The following VRK2 variants were observed in gnomAD, a reference collection of about 807,000 sequenced individuals.
The protein encoded by VRK2 is VRK serine/threonine kinase 2.
VRK2 carries 60 observed loss-of-function variants against 57.6 expected under a neutral mutation model. The observed-to-expected ratio is 1.04, with a 90% CI of 0.85 to 1.29. VRK2 has a LOEUF of 1.29. Ranked by LOEUF, VRK2 falls within the 50% of genes most tolerant of loss-of-function variation. VRK2 has a pLI of 0.00. For synonymous variants in VRK2, 231 were observed against 199.2 expected (o/e 1.16, Z -1.35); for missense variants, 705 against 588.1 (o/e 1.20, Z -2.06).
At chr2:58,025,230 C>G (rs1673887900) in intron 1 of VRK2, among the ~76,000 whole-genome samples, 1 of 151,704 alleles carries the variant, frequency 6.6e-6, no homozygotes, top group Non-Finnish European at 1.5e-5. Flanking sequence ...GGCTGATTCA[C>G]TGTAAAATAG....
chr2:57,964,224 A>T (rs1220190093), intron 1 of VRK2, among the ~76,000 whole-genome samples: 4 of 152,226 alleles, frequency 2.6e-5, no homozygotes, highest in Admixed American at 6.5e-5. Context: ...AATAGATTTC[A>T]TATGTTATAT....
At chr2:58,106,516 CT>C (rs1674777147) in intron 7 of VRK2, among the ~76,000 whole-genome samples, 1 of 151,894 alleles carries the variant, frequency 6.6e-6, no homozygotes, top group Non-Finnish European at 1.5e-5. Context: ...AGTCTTGGTC[CT>C]AATGGGGCAG....
intron 11 of VRK2, among the ~76,000 whole-genome samples, chr2:58,143,937 G>C (rs187244454): frequency 5.3e-5 from 8 of 150,978 alleles, no homozygotes; most frequent in Non-Finnish European, 1.2e-4. Flanking sequence ...CATATATATT[G>C]TGTCTGTTTG....
chr2:57,917,830 T>C (rs188577104), intron 1 of VRK2, among the ~76,000 whole-genome samples: 79 of 152,164 alleles, frequency 5.2e-4, no homozygotes, highest in African/African-American at 1.9e-3. Flanking sequence ...AGATCTTTCA[T>C]ATGATAAAGT....
chr2:58,029,544 T>C lies in VRK2; in HGVS notation c.-332-3683T>C, dbSNP rs138272356. Among the ~76,000 whole-genome samples, 176 of 152,304 alleles carry C rather than the reference T, an allele frequency of 1.2e-3. 4 individuals are homozygous for C. The East Asian group carries it at 0.03, about 26-fold the overall frequency. On this transcript the variant is annotated intron_variant, in intron 2 of 15. Coordinates refer to the VRK2 transcript ENST00000417641. ...ATTGACCAAACTCTTGACCGGAAGA[T>C]AGCAGTATGACTAGCATAACTTGTG...
chr2:58,048,661 A>C (rs1470138303), intron 1 of VRK2, 166 bp from the exon 2 acceptor site: 4 of 1,506,526 alleles, frequency 2.7e-6, no homozygotes, highest in Non-Finnish European at 3.6e-6. Flanking sequence ...TGAATTTCTA[A>C]TTTGAATATA....
Position 58,057,711 on chromosome 2 carries a change from C to G in VRK2, c.136+8744C>G, listed in dbSNP as rs537940404. ...TAAATTATTGGGATTTCTTTTAATC[C>G]AAGTCTGTGAAAGGTTTGATTAAGG... On this transcript the variant is annotated intron_variant, in intron 2 of 12. Transcript: ENST00000340157. Among the ~76,000 whole-genome samples the G allele has an allele frequency of 2.0e-5, 3 of 152,032 alleles. No individual in the cohort carries two copies. In the South Asian group the frequency reaches 6.2e-4, roughly 32 times the overall value.
At chr2:58,101,557 A>G (rs1476869364) in intron 7 of VRK2, among the ~76,000 whole-genome samples, 2 of 151,664 alleles carry the variant, frequency 1.3e-5, no homozygotes, top group Non-Finnish European at 3.0e-5. Flanking sequence ...TAATTATTCT[A>G]ATTGTACTTA....
intron 3 of VRK2, among the ~76,000 whole-genome samples, chr2:58,038,392 T>C (rs1222669885): frequency 6.6e-6 from 1 of 152,136 alleles, no homozygotes. Flanking sequence ...AGATATTCCT[T>C]AATAGCAGTG....
In VRK2 at chr2:58,032,505, C is replaced by A. The variant is rs1674147186; in HGVS notation, c.-332-722C>A. Among the ~76,000 whole-genome samples the A allele has an allele frequency of 1.3e-5, 2 of 152,040 alleles. 1 individual carries two copies. The highest frequency in any genetic ancestry group is 4.1e-4 in the South Asian group (2 of 4,830). ...CCCTGCTCCACCCTTATGATCTGAT[C>A]ATCTTCCAAAGGTCCCACCTGCAAA... On this transcript the variant is annotated intron_variant, in intron 2 of 15. Transcript: ENST00000417641.
chr2:58,126,194 T>C (rs1363109873), intron 8 of VRK2, among the ~76,000 whole-genome samples: 1 of 151,078 alleles, frequency 6.6e-6, no homozygotes, highest in Non-Finnish European at 1.5e-5. Context: ...GCCAGAGCAT[T>C]TGCCAAGTGT....
intron 2 of VRK2, among the ~76,000 whole-genome samples, chr2:58,076,429 C>T (rs1405706728): frequency 1.3e-5 from 2 of 151,932 alleles, no homozygotes; most frequent in Non-Finnish European, 1.5e-5. Context: ...TACCTCATAT[C>T]ACTAGCTTGA....
At chr2:57,982,545 A>G (rs1403748100) in intron 1 of VRK2, among the ~76,000 whole-genome samples, 1 of 152,138 alleles carries the variant, frequency 6.6e-6, no homozygotes, top group East Asian at 1.9e-4. Flanking sequence ...AGGCTGGTAT[A>G]CATTGGCAGG....
intron 1 of VRK2, among the ~76,000 whole-genome samples, chr2:57,996,703 A>T (rs1242279736): frequency 2.6e-5 from 4 of 152,136 alleles, no homozygotes; most frequent in African/African-American, 9.7e-5. Flanking sequence ...TTATTATTAT[A>T]CTATTTTTTA....
At position 58,097,025 on chromosome 2, in the gene VRK2, G is replaced by A. The variant is rs963037536; in HGVS notation, c.543+7302G>A. ...CTTATCACAATATTATTATGATATT[G>A]TTTATAATAAGTTTACTCTTTGGAA... On this transcript the variant is annotated intron_variant, in intron 7 of 12. Coordinates refer to ENST00000340157, the MANE Select transcript of VRK2 (RefSeq NM_006296.7). Among the ~76,000 whole-genome samples the A allele has an allele frequency of 4.9e-4, 75 of 151,854 alleles. 1 individual carries two copies. Among genetic ancestry groups the A allele is most frequent in the Non-Finnish European group, 6.6e-4 (45 of 67,904 alleles).
chr2:58,047,526 C>A (rs1675020589), intron 1 of VRK2: 2 of 844,588 alleles, frequency 2.4e-6, no homozygotes, highest in Admixed American at 6.2e-5. Flanking sequence ...CTGCCTTGCC[C>A]CAAAGTGTAT....
intron 3 of VRK2, among the ~76,000 whole-genome samples, chr2:58,040,052 C>T (rs1373905959): frequency 6.6e-6 from 1 of 152,042 alleles, no homozygotes; most frequent in Non-Finnish European, 1.5e-5. Flanking sequence ...GCTGGGAATA[C>T]AGGCACACAC....
chr2:57,922,395 G>A (rs1218495443), intron 1 of VRK2, among the ~76,000 whole-genome samples: 1 of 148,020 alleles, frequency 6.8e-6, no homozygotes, highest in Non-Finnish European at 1.5e-5. Flanking sequence ...ATATGTATAT[G>A]TTGTGAAATG....
At chr2:58,046,147 T>C (rs1674729236), upstream of VRK2, among the ~76,000 whole-genome samples, 1 of 152,212 alleles carries the variant, frequency 6.6e-6, no homozygotes, top group East Asian at 1.9e-4. Flanking sequence ...ACCTGGCCAC[T>C]ATGAGTCTTT....
Sources: allele counts gnomAD v4.1 joint callset (sites outside exome capture counted in the v4.1 genomes callset), GRCh38; gene constraint gnomAD v4.1.1; transcripts MANE v1.5; gene names NCBI Gene and HGNC (gene_info 2026-07-23, HGNC 2026-07-21).